The following SMAD2 variants were observed in gnomAD, a reference collection of about 807,000 sequenced individuals.
SMAD2 encodes the protein SMAD family member 2.
In SMAD2, 8 loss-of-function variants were observed where a neutral mutation model predicts 64.4. The observed-to-expected ratio is 0.12, with a 90% CI of 0.07 to 0.22. The LOEUF is 0.22. SMAD2 is among the 10% of genes least tolerant of loss of function. SMAD2 has a pLI of 1.00. For synonymous variants in SMAD2, 203 were observed against 195.8 expected, an observed-to-expected ratio of 1.04 and a Z score of -0.31; for missense variants, 289 against 561.2, an observed-to-expected ratio of 0.51 and a Z score of 4.90.
chr18:47,904,353 A>T (rs1191691888), intron 1 of SMAD2, among the ~76,000 whole-genome samples: 1 of 151,662 alleles, frequency 6.6e-6, no homozygotes, highest in Non-Finnish European at 1.5e-5. Flanking sequence ...AGCAAAAGAC[A>T]TGTGCTGCTG....
rs547518431 is a variant in SMAD2 at position 47,906,487 on chromosome 18, C to T, written c.-53-9678G>A. Reference sequence around the variant, plus strand: ...AGAGGTATTTAGTATCACCAATCATCAGGAAAACGCAAACTAAAACCATAA... The same window carrying T: ...AGAGGTATTTAGTATCACCAATCATTAGGAAAACGCAAACTAAAACCATAA... On this transcript the variant is annotated intron_variant, in intron 1 of 10. Transcript: ENST00000262160. Among the ~76,000 whole-genome samples the T allele has an allele frequency of 2.7e-3, 418 of 152,234 alleles. 3 individuals carry two copies. Among genetic ancestry groups the T allele is most frequent in the African/African-American group, 9.6e-3 (400 of 41,560 alleles).
In SMAD2 at chr18:47,827,195, G is replaced by C. The variant is rs1912784333; in HGVS notation, c.*14632C>G. ...CATTCTATTATCCAAGGTAACTGAA[G>C]TATTTGACTGTACAGGACTGCTTCC... On this transcript the variant is annotated 3_prime_UTR_variant, in exon 11 of 11. Coordinates refer to ENST00000262160, the MANE Select transcript of SMAD2 (RefSeq NM_005901.6). 6.6e-6 allele frequency: 1 copy of C among 152,202 alleles called. No individual in the cohort carries two copies. The highest frequency in any genetic ancestry group is 2.4e-5 in the African/African-American group (1 of 41,442). 9.4% of individuals were successfully genotyped at this position (152,202 alleles called of 1,614,324 possible). A position where few individuals can be genotyped will look rare whatever the true frequency, so the allele number is the denominator to read the frequency against.
rs1912715656 is a variant in SMAD2, at chr18:47,825,389, ACT to A, written c.*16436_*16437del. ...GGTGCTGCTCTTGCAATGAGTTCTC[ACT>A]CTCTCAAGACTAGATTAGTCCCCAG... is the stretch of plus-strand genomic sequence containing the variant. On this transcript the variant is annotated 3_prime_UTR_variant, in exon 11 of 11. Coordinates refer to ENST00000262160, the MANE Select transcript of SMAD2 (RefSeq NM_005901.6). 1 of 152,054 alleles carries A rather than the reference ACT, an allele frequency of 6.6e-6. No homozygotes were observed. The allele number at this position is 152,054 out of a possible 1,614,324, so 9.4% of individuals were successfully genotyped here.
At position 47,840,660 on chromosome 18, in the gene SMAD2, T is replaced by C; in HGVS notation, c.*1167A>G. The stretch of plus-strand genomic sequence containing the variant: ...CCTCAGCATCACTTTTCTAGGTATT[T>C]TGCAGAAACAATTACATTTACAAAA... On this transcript the variant is annotated 3_prime_UTR_variant, in exon 11 of 11. Transcript: ENST00000262160. 1 of 231,738 alleles carries C rather than the reference T, an allele frequency of 4.3e-6. No homozygotes were observed. The highest frequency in any genetic ancestry group is 8.5e-6 in the Non-Finnish European group (1 of 117,078). 14.4% of individuals were successfully genotyped at this position (231,738 alleles called of 1,614,324 possible).
In SMAD2 at chr18:47,886,562, TATCTATCC is replaced by T. The variant is rs1555655776; in HGVS notation, c.236+9951_236+9958del. On this transcript the variant is annotated intron_variant, in intron 2 of 10. Transcript: ENST00000262160. ...GCAAATTTCAGAGAAACTATATCTA[TATCTATCC>T]ATCTATCTATCTATCTATCTATCTA... Among the ~76,000 whole-genome samples, 283 of 130,718 alleles carry T rather than the reference TATCTATCC, an allele frequency of 2.2e-3. 1 individual carries two copies. Among genetic ancestry groups the T allele is most frequent in the African/African-American group, 7.9e-3 (271 of 34,198 alleles). The allele number at this position is 130,718 out of a possible 152,430, so 85.8% of individuals were successfully genotyped here.
chr18:47,915,369 A>T (rs1568112690), intron 1 of SMAD2, among the ~76,000 whole-genome samples: 1 of 152,174 alleles, frequency 6.6e-6, no homozygotes, highest in Non-Finnish European at 1.5e-5. Flanking sequence ...CATAATCCTA[A>T]ATCCTAGTTC....
At chr18:47,880,470 T>C (rs1029108599) in intron 2 of SMAD2, among the ~76,000 whole-genome samples, 1 of 152,208 alleles carries the variant, frequency 6.6e-6, no homozygotes, top group Non-Finnish European at 1.5e-5. Context: ...TGGGGCTATC[T>C]TATCTGTTTT....
At chr18:47,883,163 T>A (rs113572029) in intron 2 of SMAD2, among the ~76,000 whole-genome samples, 3 of 152,246 alleles carry the variant, frequency 2.0e-5, no homozygotes, top group African/African-American at 7.2e-5. Flanking sequence ...CTATAAAATT[T>A]TCCATTAGGC....
rs1287091316 is a variant in SMAD2 at position 47,816,148 on chromosome 18, C to G, written c.*25679G>C. ...TCCCTTGAAAATGTTAGCTCCCATG[C>G]CACATTTAGTCAAGACAACAATAAC... On this transcript the variant is annotated 3_prime_UTR_variant, in exon 11 of 11. Transcript: ENST00000262160. 6 of 152,066 alleles carry G rather than the reference C, an allele frequency of 3.9e-5. No individual in the cohort carries two copies. Among genetic ancestry groups the G allele is most frequent in the Non-Finnish European group, 5.9e-5 (4 of 68,010 alleles). 9.4% of individuals were successfully genotyped at this position (152,066 alleles called of 1,614,324 possible). A position where few individuals can be genotyped will look rare whatever the true frequency, so the allele number is the denominator to read the frequency against.
intron 6 of SMAD2, among the ~76,000 whole-genome samples, chr18:47,851,564 A>G (rs960742962): frequency 3.3e-5 from 5 of 152,152 alleles, no homozygotes; most frequent in African/African-American, 1.2e-4. Context: ...CCAACAGTTC[A>G]TCTTCCCAAA....
intron 1 of SMAD2, among the ~76,000 whole-genome samples, chr18:47,915,636 T>TA (rs148965391): frequency 6.6e-6 from 1 of 152,164 alleles, no homozygotes; most frequent in Non-Finnish European, 1.5e-5. Context: ...CACACTTTGC[T>TA]AAAAAAGACA....
chr18:47,925,322 A>G (rs1301930635), intron 1 of SMAD2, among the ~76,000 whole-genome samples: 2 of 152,228 alleles, frequency 1.3e-5, no homozygotes, highest in Admixed American at 1.3e-4. Context: ...TTAAGACTAC[A>G]AACCTAAAGA....
At chr18:47,883,314 C>T (rs550546008) in intron 2 of SMAD2, among the ~76,000 whole-genome samples, 27 of 152,224 alleles carry the variant, frequency 1.8e-4, no homozygotes, top group African/African-American at 6.5e-4. Context: ...TAACAGATGT[C>T]TTATTGGTAT....
chr18:47,820,965 C>A lies in SMAD2; in HGVS notation c.*20862G>T, dbSNP rs181266024. On this transcript the variant is annotated 3_prime_UTR_variant, in exon 11 of 11. Transcript: ENST00000262160. ...CAAAATTTGGTCCCCAATGTTAGAA[C>A]AAGGTTCTTTTTAAGGATCTGGTCT... The A allele has an allele frequency of 6.7e-6, 1 of 150,308 alleles. No homozygotes were observed. The highest frequency in any genetic ancestry group is 1.9e-4 in the East Asian group (1 of 5,154). 9.3% of individuals were successfully genotyped at this position (150,308 alleles called of 1,614,324 possible).
At position 47,811,817 on chromosome 18, in the gene SMAD2, G is replaced by A. The variant is rs1912215619; in HGVS notation, c.*30010C>T. The A allele has an allele frequency of 6.6e-6, 1 of 152,194 alleles. No individual in the cohort carries two copies. Among genetic ancestry groups the A allele is most frequent in the Non-Finnish European group, 1.5e-5 (1 of 68,050 alleles). The allele number at this position is 152,194 out of a possible 1,614,324, so 9.4% of individuals were successfully genotyped here. ...CATCACAAGAGAATCAACCAACCTA[G>A]ATCTTCTGAGCACCTGTCAGTCGAT... On this transcript the variant is annotated 3_prime_UTR_variant, in exon 11 of 11. Transcript: ENST00000262160.
At chr18:47,914,354 T>C (rs2034255461) in intron 1 of SMAD2, among the ~76,000 whole-genome samples, 1 of 152,164 alleles carries the variant, frequency 6.6e-6, no homozygotes, top group South Asian at 2.1e-4. Context: ...GTAGGAAACA[T>C]TTATTGAGTG....
At chr18:47,903,236 G>C (rs1340804459) in intron 1 of SMAD2, among the ~76,000 whole-genome samples, 1 of 152,088 alleles carries the variant, frequency 6.6e-6, no homozygotes, top group African/African-American at 2.4e-5. Flanking sequence ...TCAGGACATT[G>C]ATCTACCGAG....
intron 3 of SMAD2, 140 bp from the exon 4 acceptor site, chr18:47,869,576 G>T: frequency 1.5e-6 from 1 of 672,846 alleles, no homozygotes; most frequent in Admixed American, 2.7e-5. Flanking sequence ...TGAGAATCAA[G>T]AACAAAAATG....
intron 1 of SMAD2, among the ~76,000 whole-genome samples, chr18:47,925,706 T>C (rs1233073241): frequency 1.3e-5 from 2 of 152,166 alleles, no homozygotes; most frequent in African/African-American, 4.8e-5. Flanking sequence ...AGGCTAGTAC[T>C]TTTGTACTAC....
Sources: allele counts gnomAD v4.1 joint callset (sites outside exome capture counted in the v4.1 genomes callset), GRCh38; gene constraint gnomAD v4.1.1; transcripts MANE v1.5; gene names NCBI Gene and HGNC (gene_info 2026-07-23, HGNC 2026-07-21).